The following DOCK1 variants were observed in gnomAD, a reference collection of about 807,000 sequenced individuals.
DOCK1 encodes the protein dedicator of cytokinesis 1.
Under a neutral mutation model 262.7 loss-of-function variants are expected in DOCK1, and 138 were observed. The observed-to-expected ratio is 0.53, with a 90% confidence interval of 0.46 to 0.61. The LOEUF (loss-of-function observed/expected upper bound fraction) is 0.61. Among genes scored for constraint, DOCK1 ranks in the 20% least tolerant of loss-of-function variants. DOCK1 has a pLI of 0.00. For synonymous variants in DOCK1, 866 were observed against 867.4 expected (o/e 1.00, Z 0.03); for missense variants, 1,908 against 2,370.7 (o/e 0.80, Z 4.05).
chr10:127,144,233 T>TA (rs2051565781), intron 27 of DOCK1, among the ~76,000 whole-genome samples: 1 of 152,146 alleles, frequency 6.6e-6, no homozygotes, highest in African/African-American at 2.4e-5. Flanking sequence ...TCCCTGCTTA[T>TA]CCTTCAAAAC....
At chr10:127,083,706 A>T (rs527807073) in intron 23 of DOCK1, among the ~76,000 whole-genome samples, 95 of 152,318 alleles carry the variant, frequency 6.2e-4, no homozygotes, top group African/African-American at 2.1e-3. Context: ...TTCCCAACAA[A>T]TTCCTGCGAT....
Position 127,012,044 on chromosome 10 carries a change from A to G in DOCK1, c.1059-188A>G, listed in dbSNP as rs2041494687. ...TTTGCTCTGTTCCCTCTCGTGGTTCAGCATTTTCCTGATCAATGCTTTTCC... is the reference window on the plus strand; with the variant it reads ...TTTGCTCTGTTCCCTCTCGTGGTTCGGCATTTTCCTGATCAATGCTTTTCC... On this transcript the variant is annotated intron_variant, in intron 11 of 51. Transcript: ENST00000623213. This position sits in a 1 kb window ranked among gnomAD's most constrained non-coding sequence, Gnocchi z 4.0. Among the ~76,000 whole-genome samples the G allele has an allele frequency of 6.6e-6, 1 of 152,122 alleles. No individual in the cohort carries two copies. The highest frequency in any genetic ancestry group is 1.5e-5 in the Non-Finnish European group (1 of 68,032).
chr10:127,380,480 A>G (rs372078820), intron 36 of DOCK1, among the ~76,000 whole-genome samples: 31 of 152,352 alleles, frequency 2.0e-4, no homozygotes, highest in African/African-American at 6.0e-4. Flanking sequence ...AAATCCAGTT[A>G]TAACTTTACC....
intron 38 of DOCK1, among the ~76,000 whole-genome samples, chr10:127,385,157 G>A (rs1048936574): frequency 4.6e-5 from 7 of 152,114 alleles, no homozygotes; most frequent in African/African-American, 1.4e-4. Context: ...CTTACCAGAG[G>A]GAACTAAGTC....
At chr10:127,216,424 A>C (rs1251658638) in intron 27 of DOCK1, among the ~76,000 whole-genome samples, 1 of 152,106 alleles carries the variant, frequency 6.6e-6, no homozygotes, top group Non-Finnish European at 1.5e-5. Context: ...AAGCATTGCC[A>C]GCTATTGCTG....
intron 27 of DOCK1, among the ~76,000 whole-genome samples, chr10:127,143,020 C>T (rs895823200): frequency 3.3e-5 from 5 of 152,190 alleles, no homozygotes; most frequent in Non-Finnish European, 5.9e-5. Flanking sequence ...AGTAACACTT[C>T]TCCCCGCTGC....
chr10:127,090,873 G>A (rs1177657758), intron 23 of DOCK1, among the ~76,000 whole-genome samples: 1 of 151,832 alleles, frequency 6.6e-6, no homozygotes, highest in Non-Finnish European at 1.5e-5. Flanking sequence ...GACCACAGGT[G>A]TTTATCCATT....
In DOCK1 at chr10:127,176,313, A is replaced by T. The variant is rs773204442; in HGVS notation, c.2847+48549A>T. On this transcript the variant is annotated intron_variant, in intron 27 of 51. Transcript: ENST00000623213. This position sits in a 1 kb window ranked among gnomAD's most constrained non-coding sequence, Gnocchi z 4.4. Reference sequence around the variant, plus strand: ...CCGGTTGGGGTCCAGGGCGTATTTCATCTCCAGGGCCAGGCAGGCGGCGGG... The same window carrying T: ...CCGGTTGGGGTCCAGGGCGTATTTCTTCTCCAGGGCCAGGCAGGCGGCGGG... 3 of 1,613,920 alleles carry T rather than the reference A, an allele frequency of 1.9e-6. No individual in the cohort carries two copies. Among genetic ancestry groups the T allele is most frequent in the Non-Finnish European group, 8.5e-7 (1 of 1,180,008 alleles).
intron 1 of DOCK1, among the ~76,000 whole-genome samples, chr10:126,946,627 T>C (rs2035429034): frequency 6.6e-6 from 1 of 152,210 alleles, no homozygotes; most frequent in Non-Finnish European, 1.5e-5. Flanking sequence ...TGTCTCTGAA[T>C]TTGACTACTC....
At chr10:127,270,246 C>T (rs2060513523) in intron 29 of DOCK1, among the ~76,000 whole-genome samples, 1 of 152,168 alleles carries the variant, frequency 6.6e-6, no homozygotes, top group Non-Finnish European at 1.5e-5. Flanking sequence ...GAACAAAACT[C>T]CAATGAAGAA....
At chr10:127,185,074 C>T (rs1439873982) in intron 27 of DOCK1, among the ~76,000 whole-genome samples, 1 of 152,180 alleles carries the variant, frequency 6.6e-6, no homozygotes, top group Non-Finnish European at 1.5e-5. Context: ...TCAGGGTAGG[C>T]TCTACCTGGG....
At chr10:127,420,127 G>A (rs945856705) in intron 46 of DOCK1, among the ~76,000 whole-genome samples, 2 of 152,364 alleles carry the variant, frequency 1.3e-5, no homozygotes, top group Non-Finnish European at 2.9e-5. Context: ...CAGTCCCTGT[G>A]AAACGCATGT....
chr10:127,042,110 C>T (rs1434019544), intron 19 of DOCK1, among the ~76,000 whole-genome samples: 1 of 152,164 alleles, frequency 6.6e-6, no homozygotes, highest in African/African-American at 2.4e-5. Flanking sequence ...ATAAAGTAAG[C>T]ACCTTCTGGT....
At chr10:127,251,303 G>T (rs1373055471) in intron 28 of DOCK1, among the ~76,000 whole-genome samples, 3 of 152,006 alleles carry the variant, frequency 2.0e-5, no homozygotes, top group East Asian at 3.9e-4. Context: ...TTAAATAAAA[G>T]ATTATTTTGT....
chr10:127,077,277 C>T (rs539676635), intron 23 of DOCK1, among the ~76,000 whole-genome samples: 2 of 152,154 alleles, frequency 1.3e-5, no homozygotes, highest in South Asian at 4.2e-4. Flanking sequence ...CTCCTGTAAT[C>T]CTGGCTACTC....
intron 29 of DOCK1, among the ~76,000 whole-genome samples, chr10:127,262,753 C>T (rs2060220341): frequency 1.3e-5 from 2 of 152,216 alleles, no homozygotes; most frequent in South Asian, 4.1e-4. Context: ...CGTTTGCGTT[C>T]TGGAGCTGAG....
At chr10:127,130,473 A>G (rs1401845219) in intron 27 of DOCK1, among the ~76,000 whole-genome samples, 1 of 152,172 alleles carries the variant, frequency 6.6e-6, no homozygotes, top group East Asian at 1.9e-4. Flanking sequence ...GGGCACAGAA[A>G]AAGCTCATAA....
At chr10:127,140,954 A>G (rs1178095127) in intron 27 of DOCK1, among the ~76,000 whole-genome samples, 1 of 152,138 alleles carries the variant, frequency 6.6e-6, no homozygotes, top group African/African-American at 2.4e-5. Flanking sequence ...TGGAGGGCCC[A>G]TGGCTCTTGC....
chr10:127,017,538 C>G, intron 12 of DOCK1, among the ~76,000 whole-genome samples: 1 of 124,942 alleles, frequency 8.0e-6, no homozygotes, highest in Middle Eastern at 4.2e-3. Flanking sequence ...CACACATGGA[C>G]ACACAGACAC....
Sources: allele counts gnomAD v4.1 joint callset (sites outside exome capture counted in the v4.1 genomes callset), GRCh38; gene constraint gnomAD v4.1.1; non-coding constraint Gnocchi (gnomAD v3.1); transcripts MANE v1.5; gene names NCBI Gene and HGNC (gene_info 2026-07-23, HGNC 2026-07-21).